BCOR: variants seen among roughly 807,000 people sequenced by gnomAD.
BCOR encodes BCL6 corepressor, also known as BCL-6 corepressor.
A neutral mutation model predicts 86.7 loss-of-function variants in BCOR; 10 were observed. The ratio of observed to expected loss-of-function variants is 0.12; its 90% confidence interval spans 0.07 to 0.20. The LOEUF is 0.20. Ranked by LOEUF, BCOR falls within the 10% of genes least tolerant of loss-of-function variation. The pLI, the probability that BCOR is intolerant of heterozygous loss-of-function variation, is 1.00. For missense variants in BCOR, 1,259 were observed against 1,452.1 expected (o/e 0.87, Z 2.16); for synonymous variants, 611 against 609.0 (o/e 1.00, Z -0.05).
chrX:40,077,571 A>G, intron 2 of BCOR: 1 of 391,917 alleles, frequency 2.6e-6, no homozygotes, highest in East Asian at 4.4e-5. Context: ...AAAGCAGTAT[A>G]TAGACTGGGA....
intron 1 of BCOR, among the ~76,000 whole-genome samples, chrX:40,115,792 A>G (rs1210574174): frequency 1.8e-5 from 2 of 109,509 alleles, no homozygotes; most frequent in East Asian, 5.6e-4. Flanking sequence ...AAAAAAAAAA[A>G]GTGTGGGGCC....
At chrX:40,109,863 G>T (rs1305752314) in intron 1 of BCOR, among the ~76,000 whole-genome samples, 1 of 112,047 alleles carries the variant, frequency 8.9e-6, no homozygotes, top group East Asian at 2.8e-4. Context: ...CGCAGAAGGA[G>T]GGGGAGAGGG....
chrX:40,103,310 A>G (rs934055325), intron 1 of BCOR, among the ~76,000 whole-genome samples: 3 of 111,431 alleles, frequency 2.7e-5, no homozygotes, highest in Non-Finnish European at 5.7e-5. Context: ...CCATGATTTA[A>G]AAGTGTGTGT....
chrX:40,064,636 C>T (rs371807195), intron 6 of BCOR, 37 bp from the exon 7 acceptor site: 20 of 1,205,579 alleles, frequency 1.7e-5, no homozygotes, highest in Middle Eastern at 2.4e-4. Context: ...TAATGAAGCC[C>T]GAAGGTCGCC....
At chrX:40,059,116 T>C (rs1374411330) in intron 10 of BCOR, among the ~76,000 whole-genome samples, 1 of 111,860 alleles carries the variant, frequency 8.9e-6, no homozygotes, top group Non-Finnish European at 1.9e-5. Context: ...AACATAGAAA[T>C]GAAAGATGTC....
At chrX:40,087,514 T>A (rs1230970265) in intron 1 of BCOR, among the ~76,000 whole-genome samples, 2 of 112,484 alleles carry the variant, frequency 1.8e-5, no homozygotes, top group Non-Finnish European at 3.8e-5. Flanking sequence ...CAGAGTATCA[T>A]GAAACATACC....
chrX:40,130,667 C>G (rs1355944285), intron 1 of BCOR, among the ~76,000 whole-genome samples: 1 of 112,085 alleles, frequency 8.9e-6, no homozygotes, highest in Non-Finnish European at 1.9e-5. Flanking sequence ...CCAGAGAGAG[C>G]AGGTTCCTCG....
chrX:40,096,181 C>T (rs760533547), intron 1 of BCOR, among the ~76,000 whole-genome samples: 1 of 112,584 alleles, frequency 8.9e-6, no homozygotes, highest in East Asian at 2.8e-4. Context: ...CCTTGCCACA[C>T]GCCCTCCGAG....
chrX:40,074,270 T>C lies in BCOR; in HGVS notation c.1076A>G (p.Lys359Arg), dbSNP rs1935659270. 8.2e-7 allele frequency: 1 copy of C among 1,212,171 alleles called. No homozygotes were observed. Among genetic ancestry groups the C allele is most frequent in the Non-Finnish European group, 1.1e-6 (1 of 895,590 alleles). ...AGAGGTGGAGATCCTGGCATAGTGC[T>C]TGTGGAACTCCGAGTAGGTGTCTGC... Reference protein sequence around the residue: ...PAADTYSEFHKHYARISTSPS... With the variant: ...PAADTYSEFHRHYARISTSPS... The change falls in exon 4 of 15, where the codon AAG (lysine) becomes AGG (arginine). Residue 359 changes from lysine (K) to arginine (R), a missense_variant. Transcript: ENST00000378444.
intron 1 of BCOR, among the ~76,000 whole-genome samples, chrX:40,173,464 C>A: frequency 8.9e-6 from 1 of 111,810 alleles, no homozygotes. Flanking sequence ...TACAAAGTTC[C>A]GGGTTAAAGT....
chrX:40,129,049 C>G (rs59255986), intron 1 of BCOR, among the ~76,000 whole-genome samples: 1,387 of 111,918 alleles, frequency 0.012, 26 homozygotes, highest in African/African-American at 0.043. Flanking sequence ...GAAGCTGAGA[C>G]TCAGAGAGGT....
At chrX:40,152,449 C>T (rs1338087828) in intron 1 of BCOR, among the ~76,000 whole-genome samples, 1 of 112,297 alleles carries the variant, frequency 8.9e-6, no homozygotes, top group African/African-American at 3.2e-5. Flanking sequence ...CTCGCCGCTG[C>T]GCATCTCCTC....
chrX:40,051,706 C>A lies in BCOR; in HGVS notation c.*403G>T. The stretch of plus-strand genomic sequence containing the variant: ...TATCACCAAGTGCCTTCCCCGAATT[C>A]GCTCCCTCAAACCAACCACACAGTT... On this transcript the variant is annotated 3_prime_UTR_variant, in exon 15 of 15. Transcript: ENST00000378444. 5.5e-6 allele frequency: 1 copy of A among 183,421 alleles called. No homozygotes were observed. Among genetic ancestry groups the A allele is most frequent in the Non-Finnish European group, 1.0e-5 (1 of 97,157 alleles). 15.1% of individuals were successfully genotyped at this position (183,421 alleles called of 1,213,427 possible). A position where few individuals can be genotyped will look rare whatever the true frequency, so the allele number is the denominator to read the frequency against.
At position 40,154,453 on chromosome X, in the gene BCOR, C is replaced by T. The variant is rs774336557; in HGVS notation, c.-41+22554G>A. ...CCCTTTGTTCTCCTCCCCTTTCCCT[C>T]TCTTTAAATAGATTTCAGGGCGCTG... is the stretch of plus-strand genomic sequence containing the variant. On this transcript the variant is annotated intron_variant, in intron 1 of 14. Transcript: ENST00000342274. Among the ~76,000 whole-genome samples, 551 of 111,705 alleles carry T rather than the reference C, an allele frequency of 4.9e-3. 4 individuals carry two copies. Among genetic ancestry groups the T allele is most frequent in the Non-Finnish European group, 9.1e-3 (481 of 52,885 alleles).
rs2147205556 is a variant in BCOR at position 40,072,689 on chromosome X, C to T, written c.2657G>A (p.Gly886Asp). Reference protein sequence around the residue: ...FTVSKDSVLAGTNKENLGLPV... With the variant: ...FTVSKDSVLADTNKENLGLPV... ...CAACCCTAGGTTCTCTTTGTTGGTA[C>T]CTGCCAGAACACTGTCCTTGCTTAC... Residue 886 changes from glycine (G) to aspartate (D), a missense_variant, in exon 4 of 15, where the codon GGT becomes GAT. Around this residue, in one of 7 missense-constraint regions of BCOR, gnomAD observed 534 missense variants for 594.8 expected, o/e 0.90. Transcript: ENST00000378444. 8.3e-7 allele frequency: 1 copy of T among 1,211,940 alleles called. No homozygotes were observed. Among genetic ancestry groups the T allele is most frequent in the Non-Finnish European group, 1.1e-6 (1 of 895,555 alleles).
At chrX:40,152,265 C>A (rs896047237) in intron 1 of BCOR, among the ~76,000 whole-genome samples, 6 of 111,636 alleles carry the variant, frequency 5.4e-5, no homozygotes, top group Non-Finnish European at 7.6e-5. Context: ...GCCCTGAGCG[C>A]CCCTTGTGCG....
chrX:40,080,544 T>C (rs1254404146), intron 1 of BCOR, among the ~76,000 whole-genome samples: 3 of 111,684 alleles, frequency 2.7e-5, no homozygotes, highest in Admixed American at 9.5e-5. Context: ...ATCATTATAC[T>C]GAGGCCCAGC....
intron 12 of BCOR, 63 bp downstream of exon 12, chrX:40,055,305 C>A (rs1934535903): frequency 9.4e-7 from 1 of 1,063,170 alleles, no homozygotes; most frequent in African/African-American, 1.8e-5. Flanking sequence ...AAATTCCAAT[C>A]ATCTATTGTA....
At chrX:40,113,115 C>A (rs1394711689) in intron 1 of BCOR, among the ~76,000 whole-genome samples, 2 of 108,005 alleles carry the variant, frequency 1.9e-5, no homozygotes, top group African/African-American at 6.8e-5. Context: ...ATTATTCTAG[C>A]AATCTCTGTG....
Sources: gnomAD v4.1 joint callset for allele counts (sites outside exome capture counted in the v4.1 genomes callset) on GRCh38, gnomAD v4.1.1 for gene constraint, gnomAD v4.1.1 regional missense constraint, MANE v1.5 for transcripts, NCBI Gene and HGNC (gene_info 2026-07-23, HGNC 2026-07-21) for gene names.